Variants in TTLL5 observed in about 807,000 individuals in gnomAD.
TTLL5 encodes the protein tubulin tyrosine ligase like 5, also known as tubulin polyglutamylase TTLL5.
TTLL5 carries 132 observed loss-of-function variants against 168.4 expected under a neutral mutation model. That is an observed-to-expected ratio of 0.78 (90% CI 0.68 to 0.91). The LOEUF (loss-of-function observed/expected upper bound fraction) is 0.91, where lower values mean the gene tolerates loss of function less well. Ranked by LOEUF, TTLL5 falls within the 40% of genes least tolerant of loss-of-function variation. The pLI, the probability that TTLL5 is intolerant of heterozygous loss-of-function variation, is 0.00. For synonymous variants in TTLL5, 546 were observed against 558.6 expected (o/e 0.98, Z 0.32); for missense variants, 1,545 against 1,581.5 (o/e 0.98, Z 0.39).
chr14:75,928,336 C>T (rs1487963991), intron 31 of TTLL5, among the ~76,000 whole-genome samples: 1 of 26,632 alleles, frequency 3.8e-5, no homozygotes, highest in African/African-American at 1.6e-4. Flanking sequence ...GAATGAATGA[C>T]AAAAACATAT....
chr14:75,867,653 A>C (rs965356380), intron 29 of TTLL5, among the ~76,000 whole-genome samples: 1 of 151,852 alleles, frequency 6.6e-6, no homozygotes, highest in Non-Finnish European at 1.5e-5. Context: ...CCAGCTACTC[A>C]GGAGGCTGAG....
chr14:75,844,380 G>T (rs995858335), intron 28 of TTLL5, among the ~76,000 whole-genome samples: 1 of 152,176 alleles, frequency 6.6e-6, no homozygotes, highest in Non-Finnish European at 1.5e-5. Flanking sequence ...GCATATTTGT[G>T]TGGATCTTTG....
Position 75,783,383 on chromosome 14 carries a change from C to G in TTLL5, c.2839C>G (p.Leu947Val). 2 of 1,614,218 alleles carry G rather than the reference C, an allele frequency of 1.2e-6. No homozygotes were observed. The highest frequency in any genetic ancestry group is 1.7e-6 in the Non-Finnish European group (2 of 1,180,042). ...AGTCTCTGCCAGTGCTTCTCCCTGC[C>G]TACATCCCGGGGCACAGAACATCCC... The part of the protein sequence containing the change: ...NTVSASASPC[L>V]HPGAQNIPSP... Residue 947 changes from leucine (L) to valine (V), a missense_variant, in exon 26 of 32, where the codon CTA becomes GTA. By Grantham distance (32) the Leu-to-Val change is conservative. Transcript: ENST00000298832.
chr14:75,828,127 C>T (rs747613278), intron 28 of TTLL5, among the ~76,000 whole-genome samples: 2 of 152,108 alleles, frequency 1.3e-5, no homozygotes, highest in Non-Finnish European at 2.9e-5. Context: ...ATGAGAAAAG[C>T]AGGCTTTCTG....
At chr14:75,882,296 A>G (rs991828506) in intron 29 of TTLL5, among the ~76,000 whole-genome samples, 8 of 152,174 alleles carry the variant, frequency 5.3e-5, no homozygotes, top group Admixed American at 5.2e-4. Context: ...GCTGCAAGAC[A>G]ATTTTATTCT....
chr14:75,907,544 G>A (rs1214835218), intron 31 of TTLL5, among the ~76,000 whole-genome samples: 1 of 152,206 alleles, frequency 6.6e-6, no homozygotes, highest in Non-Finnish European at 1.5e-5. Context: ...TACCCCAGGA[G>A]TGCAAAAGAG....
intron 21 of TTLL5, among the ~76,000 whole-genome samples, chr14:75,772,107 A>G (rs1891368163): frequency 6.6e-6 from 1 of 152,128 alleles, no homozygotes; most frequent in Admixed American, 6.5e-5. Flanking sequence ...GCATCAATGT[A>G]TTTCATTTTG....
intron 9 of TTLL5, among the ~76,000 whole-genome samples, chr14:75,717,126 G>A (rs1187427007): frequency 6.6e-6 from 1 of 151,606 alleles, no homozygotes; most frequent in Non-Finnish European, 1.5e-5. Context: ...ACCAGGCACT[G>A]TGTGGGCACT....
intron 12 of TTLL5, among the ~76,000 whole-genome samples, chr14:75,730,693 A>G (rs1004037943): frequency 6.6e-6 from 1 of 151,920 alleles, no homozygotes; most frequent in Admixed American, 6.6e-5. Flanking sequence ...CCCAAGTTCC[A>G]CAGTGTAGAA....
rs146494153 is a variant in TTLL5, at chr14:75,850,114, A to T, written c.3327-13553A>T. Among the ~76,000 whole-genome samples, 626 of 152,056 alleles carry T rather than the reference A, an allele frequency of 4.1e-3. 3 individuals carry two copies. Among genetic ancestry groups the T allele is most frequent in the East Asian group, 0.014 (71 of 5,172 alleles). The stretch of plus-strand genomic sequence containing the variant: ...GGGTCTCAAAAAATAAAAATAAAAA[A>T]AAAAATCTGGGGCCGGGCACGGTGG... On this transcript the variant is annotated intron_variant, in intron 28 of 31. Transcript: ENST00000298832.
chr14:75,781,328 A>G (rs746652812), intron 24 of TTLL5, among the ~76,000 whole-genome samples: 4 of 152,192 alleles, frequency 2.6e-5, no homozygotes, highest in Non-Finnish European at 4.4e-5. Context: ...CAATCAAGGA[A>G]ACAACATTAT....
intron 18 of TTLL5, among the ~76,000 whole-genome samples, chr14:75,758,757 A>T (rs1250870883): frequency 6.6e-6 from 1 of 152,206 alleles, no homozygotes; most frequent in Admixed American, 6.5e-5. Context: ...AAATCTTCAC[A>T]TATTTGGGAA....
At chr14:75,713,209 G>A (rs960233005) in intron 9 of TTLL5, among the ~76,000 whole-genome samples, 3 of 152,200 alleles carry the variant, frequency 2.0e-5, no homozygotes, top group African/African-American at 7.2e-5. Flanking sequence ...AGATTGTAAT[G>A]GAGCTGAAAA....
intron 28 of TTLL5, among the ~76,000 whole-genome samples, chr14:75,840,087 A>G (rs1362638015): frequency 6.6e-6 from 1 of 152,142 alleles, no homozygotes; most frequent in African/African-American, 2.4e-5. Context: ...TAATTTGTCT[A>G]TTTTGTTGTT....
chr14:75,744,627 T>C (rs1393501105), intron 15 of TTLL5: 3 of 152,644 alleles, frequency 2.0e-5, no homozygotes, highest in Non-Finnish European at 4.4e-5. Flanking sequence ...TTTTCATTTG[T>C]GATATAATAG....
intron 17 of TTLL5, among the ~76,000 whole-genome samples, chr14:75,747,778 T>G (rs1396517352): frequency 6.6e-6 from 1 of 152,214 alleles, no homozygotes; most frequent in Non-Finnish European, 1.5e-5. Context: ...ATTATTCAGC[T>G]TACACCTTAC....
intron 5 of TTLL5, among the ~76,000 whole-genome samples, chr14:75,687,493 C>T (rs1885155412): frequency 6.6e-6 from 1 of 152,156 alleles, no homozygotes; most frequent in East Asian, 1.9e-4. Flanking sequence ...AGGCTGGTCT[C>T]GAACTCCTGA....
chr14:75,902,749 A>T (rs546151712), intron 31 of TTLL5, among the ~76,000 whole-genome samples: 2 of 152,236 alleles, frequency 1.3e-5, no homozygotes, highest in Non-Finnish European at 2.9e-5. Context: ...GTGTAGGTGC[A>T]TACAGATAAG....
intron 28 of TTLL5, among the ~76,000 whole-genome samples, chr14:75,837,731 T>G (rs765505884): frequency 6.6e-6 from 1 of 152,214 alleles, no homozygotes; most frequent in Non-Finnish European, 1.5e-5. Flanking sequence ...TCACTTAGCA[T>G]AATATCCTCA....
Sources: gnomAD v4.1 joint callset for allele counts (sites outside exome capture counted in the v4.1 genomes callset) on GRCh38, gnomAD v4.1.1 for gene constraint, MANE v1.5 for transcripts, NCBI Gene and HGNC (gene_info 2026-07-23, HGNC 2026-07-21) for gene names.